Variants in CYP2C18 observed in about 807,000 individuals in gnomAD.
CYP2C18 encodes the protein cytochrome P450 2C18.
Under a neutral mutation model 41.3 loss-of-function variants are expected in CYP2C18, and 38 were observed. The ratio of observed to expected loss-of-function variants is 0.92; its 90% CI spans 0.71 to 1.21. CYP2C18 has a LOEUF of 1.21. Among genes scored for constraint, CYP2C18 ranks in the 50% most tolerant of loss-of-function variants. The pLI, the probability that CYP2C18 is intolerant of heterozygous loss-of-function variation, is 0.00. For synonymous variants in CYP2C18, 236 were observed against 210.0 expected, an observed-to-expected ratio of 1.12 and a Z score of -1.07; for missense variants, 635 against 591.4, an observed-to-expected ratio of 1.07 and a Z score of -0.77.
chr10:94,714,145 G>A (rs1344244981), intron 5 of CYP2C18, among the ~76,000 whole-genome samples: 11 of 152,056 alleles, frequency 7.2e-5, no homozygotes, highest in Admixed American at 3.9e-4. Context: ...CACTCTGATG[G>A]TAGTTTCTTT....
At position 94,735,510 on chromosome 10, in the gene CYP2C18, G is replaced by C; in HGVS notation, c.*66G>C. 1 of 1,489,446 alleles carries C rather than the reference G, an allele frequency of 6.7e-7. No homozygotes were observed. The highest frequency in any genetic ancestry group is 2.3e-5 in the East Asian group (1 of 44,032). 92.3% of individuals were successfully genotyped at this position (1,489,446 alleles called of 1,614,324 possible). A position where few individuals can be genotyped will look rare whatever the true frequency, so the allele number is the denominator to read the frequency against. On this transcript the variant is annotated 3_prime_UTR_variant, in exon 9 of 9. Coordinates refer to ENST00000285979, the MANE Select transcript of CYP2C18 (RefSeq NM_000772.3). ...CAATTCTCCCTTATCAGGGCCATTG[G>C]CCTCTCCCTTCTCTCTGTGAGGGAT...
intron 5 of CYP2C18, among the ~76,000 whole-genome samples, chr10:94,718,119 C>A (rs1847586668): frequency 6.6e-6 from 1 of 151,874 alleles, no homozygotes; most frequent in South Asian, 2.1e-4. Context: ...GTGTCTTCTT[C>A]ATTTTTTTAA....
intron 4 of CYP2C18, 94 bp from the exon 5 acceptor site, chr10:94,706,690 T>A: frequency 1.5e-6 from 1 of 672,856 alleles, no homozygotes; most frequent in Non-Finnish European, 2.5e-6. Flanking sequence ...AGATAATTTT[T>A]AAAAATTCAC....
At chr10:94,719,883 A>AT (rs879746162) in intron 5 of CYP2C18, among the ~76,000 whole-genome samples, 121 of 145,428 alleles carry the variant, frequency 8.3e-4, no homozygotes, top group Middle Eastern at 7.1e-3. Flanking sequence ...CAAGTTTTTG[A>AT]TTTTTTTTTT....
intron 5 of CYP2C18, among the ~76,000 whole-genome samples, chr10:94,714,987 A>T (rs1348649418): frequency 6.6e-6 from 1 of 152,052 alleles, no homozygotes; most frequent in African/African-American, 2.4e-5. Flanking sequence ...TTTGTCTGTT[A>T]TTGGTGTATA....
At chr10:94,728,038 A>G (rs563767832) in intron 7 of CYP2C18, among the ~76,000 whole-genome samples, 1 of 152,290 alleles carries the variant, frequency 6.6e-6, no homozygotes, top group South Asian at 2.1e-4. Context: ...TATCTCTTAT[A>G]GCTTTTTTTT....
chr10:94,725,414 A>G (rs1847722990), intron 7 of CYP2C18, among the ~76,000 whole-genome samples: 2 of 151,674 alleles, frequency 1.3e-5, no homozygotes, highest in African/African-American at 4.8e-5. Context: ...TTCTCTTTTA[A>G]TATTTATTTT....
At chr10:94,711,199 T>C (rs774112483) in intron 5 of CYP2C18, among the ~76,000 whole-genome samples, 1 of 152,184 alleles carries the variant, frequency 6.6e-6, no homozygotes, top group Non-Finnish European at 1.5e-5. Flanking sequence ...ATGTCTGTAG[T>C]GTCTCTTCAA....
chr10:94,712,179 AGGTT>A (rs1034850926), intron 5 of CYP2C18, among the ~76,000 whole-genome samples: 3 of 145,544 alleles, frequency 2.1e-5, no homozygotes, highest in African/African-American at 7.7e-5. Flanking sequence ...TTTTTATTTA[AGGTT>A]GGTTGAATCA....
Position 94,697,996 on chromosome 10 carries a change from C to G in CYP2C18, c.642+2919C>G, listed in dbSNP as rs1016115515. 3.9e-5 allele frequency among the ~76,000 whole-genome samples: 6 copies of G among 152,248 alleles called. No individual in the cohort carries two copies. The East Asian group carries it at 1.2e-3, about 29-fold the overall frequency. ...ATTCATAAAGCAAGTCCTTAGAGAC[C>G]TACGAAGAGACTTAGACTCCCACAC... On this transcript the variant is annotated intron_variant, in intron 4 of 8. Transcript: ENST00000285979.
chr10:94,727,262 C>A (rs536917389), intron 7 of CYP2C18, among the ~76,000 whole-genome samples: 1 of 151,988 alleles, frequency 6.6e-6, no homozygotes, highest in African/African-American at 2.4e-5. Flanking sequence ...CATTTACTTG[C>A]GTGGAGTGAA....
At chr10:94,689,023 G>A (rs922845669) in intron 3 of CYP2C18, among the ~76,000 whole-genome samples, 1 of 152,050 alleles carries the variant, frequency 6.6e-6, no homozygotes, top group South Asian at 2.1e-4. Context: ...CTACCATAAT[G>A]ATGCTTATCT....
intron 3 of CYP2C18, among the ~76,000 whole-genome samples, chr10:94,691,833 C>G (rs1324372049): frequency 2.0e-5 from 3 of 152,026 alleles, no homozygotes; most frequent in Non-Finnish European, 4.4e-5. Flanking sequence ...GAGATATAGA[C>G]CAATGGAACA....
At chr10:94,714,170 T>A (rs1847497974) in intron 5 of CYP2C18, among the ~76,000 whole-genome samples, 1 of 152,220 alleles carries the variant, frequency 6.6e-6, no homozygotes, top group Non-Finnish European at 1.5e-5. Context: ...GTGCAGAAGC[T>A]CTTTAGTTTA....
chr10:94,731,659 A>G (rs1337845013), intron 7 of CYP2C18, among the ~76,000 whole-genome samples: 1 of 152,146 alleles, frequency 6.6e-6, no homozygotes, highest in Non-Finnish European at 1.5e-5. Flanking sequence ...CCAGAAATAA[A>G]GCAGCATACC....
chr10:94,698,668 T>C (rs1212958544), intron 4 of CYP2C18, among the ~76,000 whole-genome samples: 1 of 146,436 alleles, frequency 6.8e-6, no homozygotes, highest in African/African-American at 2.5e-5. Flanking sequence ...CAAAAAACCC[T>C]TCAAAAAATC....
At chr10:94,726,224 G>T (rs750466456) in intron 7 of CYP2C18, among the ~76,000 whole-genome samples, 3 of 151,646 alleles carry the variant, frequency 2.0e-5, no homozygotes, top group Non-Finnish European at 4.4e-5. Flanking sequence ...TATACTTTAA[G>T]TTCTGGGATA....
chr10:94,701,384 C>T (rs1847241463), intron 4 of CYP2C18, among the ~76,000 whole-genome samples: 1 of 152,068 alleles, frequency 6.6e-6, no homozygotes, highest in Non-Finnish European at 1.5e-5. Context: ...AAACCAAACA[C>T]TGCATGTTCT....
chr10:94,732,410 T>G (rs1393948409), intron 7 of CYP2C18, among the ~76,000 whole-genome samples: 1 of 152,188 alleles, frequency 6.6e-6, no homozygotes, highest in Non-Finnish European at 1.5e-5. Flanking sequence ...GAAAGCAGTT[T>G]GGAGGTTTCT....
Sources: gnomAD v4.1 joint callset for allele counts (sites outside exome capture counted in the v4.1 genomes callset) on GRCh38, gnomAD v4.1.1 for gene constraint, MANE v1.5 for transcripts, NCBI Gene and HGNC (gene_info 2026-07-23, HGNC 2026-07-21) for gene names.